Variants in TBC1D30 observed in about 807,000 individuals in gnomAD.
TBC1D30 encodes the protein TBC1 domain family, member 30.
A neutral mutation model predicts 63.2 loss-of-function variants in TBC1D30; 31 were observed. The ratio of observed to expected loss-of-function variants is 0.49; its 90% CI spans 0.37 to 0.66. TBC1D30 has a LOEUF of 0.66. Ranked by LOEUF, TBC1D30 falls within the 30% of genes least tolerant of loss-of-function variation. The pLI is 0.00. For missense variants in TBC1D30, 810 were observed against 953.6 expected (o/e 0.85, Z 1.98); for synonymous variants, 307 against 361.5 (o/e 0.85, Z 1.71).
chr12:64,785,885 T>C (rs1871540260), exon 2 of TBC1D30: 1 of 1,289,372 alleles, frequency 7.8e-7, no homozygotes, highest in South Asian at 1.2e-5. Flanking sequence ...TGATAGACGC[T>C]AATGAACTGA....
intron 8 of TBC1D30, among the ~76,000 whole-genome samples, chr12:64,859,643 G>A (rs989976477): frequency 6.6e-6 from 1 of 152,146 alleles, no homozygotes; most frequent in Non-Finnish European, 1.5e-5. Flanking sequence ...GGGGAGAAAG[G>A]GCAACCCATA....
chr12:64,788,035 G>GA (rs946993378), intron 2 of TBC1D30, among the ~76,000 whole-genome samples: 59 of 143,306 alleles, frequency 4.1e-4, no homozygotes, highest in Admixed American at 2.2e-3. Context: ...CTCTGTCTCA[G>GA]AAAAAAAAAA....
At chr12:64,826,711 G>A (rs1874386825) in intron 1 of TBC1D30, among the ~76,000 whole-genome samples, 1 of 152,124 alleles carries the variant, frequency 6.6e-6, no homozygotes, top group African/African-American at 2.4e-5. Flanking sequence ...GCAGAGTATG[G>A]TTATGGCCCT....
At chr12:64,840,272 GT>G (rs1875757200) in intron 7 of TBC1D30, among the ~76,000 whole-genome samples, 1 of 152,122 alleles carries the variant, frequency 6.6e-6, no homozygotes, top group Non-Finnish European at 1.5e-5. Context: ...AGCTCTGATA[GT>G]TTCTTTGGGT....
At chr12:64,769,991 A>G (rs1166527653) in intron 1 of TBC1D30, among the ~76,000 whole-genome samples, 4 of 152,218 alleles carry the variant, frequency 2.6e-5, no homozygotes, top group South Asian at 4.1e-4. Context: ...AGGTCATTTG[A>G]AAAACTCCAT....
chr12:64,786,655 A>G (rs1385925502), intron 2 of TBC1D30, among the ~76,000 whole-genome samples: 1 of 151,888 alleles, frequency 6.6e-6, no homozygotes, highest in Non-Finnish European at 1.5e-5. Flanking sequence ...TTTTATTTTT[A>G]AAACAGCATC....
chr12:64,850,262 A>C (rs934001070), intron 8 of TBC1D30, among the ~76,000 whole-genome samples: 1 of 152,124 alleles, frequency 6.6e-6, no homozygotes, highest in Non-Finnish European at 1.5e-5. Context: ...AATACTGTTT[A>C]TTTCTTTTTC....
At chr12:64,848,176 T>A (rs1247325479) in intron 8 of TBC1D30, among the ~76,000 whole-genome samples, 1 of 152,102 alleles carries the variant, frequency 6.6e-6, no homozygotes, top group East Asian at 1.9e-4. Context: ...TTGAAATCTA[T>A]TTTTTCTGAT....
chr12:64,819,406 CTTTTTTTTTTTT>C (rs55757950), intron 2 of TBC1D30, among the ~76,000 whole-genome samples: 49 of 78,024 alleles, frequency 6.3e-4, no homozygotes, highest in East Asian at 2.0e-3. Context: ...GAAGGAACTA[CTTTTTTTTTTTT>C]TTTTTTTTTT....
At position 64,875,788 on chromosome 12, in the gene TBC1D30, A is replaced by G. The variant is rs1423892642; in HGVS notation, c.2286A>G (p.Ter762TrpextTer24). The change falls in exon 12 of 12, where the codon TGA becomes TGG. Residue 762 changes from the stop codon to tryptophan, a stop_lost. Coordinates refer to ENST00000539867, the MANE Select transcript of TBC1D30 (RefSeq NM_015279.2). ...GAAACAGTGGCACTAAAAAACGATG[A>G]TGTCTCCCCGAAACTTTGTATCTGG... Reference protein sequence around the residue: ...GGGNSGTKKR* With the variant: ...GGGNSGTKKRW 6.5e-7 allele frequency: 1 copy of G among 1,526,928 alleles called. No individual in the cohort carries two copies. Among genetic ancestry groups the G allele is most frequent in the South Asian group, 1.2e-5 (1 of 82,686 alleles). The allele number at this position is 1,526,928 out of a possible 1,614,324, so 94.6% of individuals were successfully genotyped here.
rs748748053 is a variant in TBC1D30 at position 64,824,973 on chromosome 12, C to T, written c.94C>T (p.Leu32Phe). The T allele has an allele frequency of 2.0e-6, 3 of 1,534,786 alleles. No individual in the cohort carries two copies. In the South Asian group the frequency reaches 3.6e-5, roughly 18 times the overall value. The change falls in exon 1 of 12, where the codon CTC becomes TTC. Residue 32 changes from leucine to phenylalanine, a missense_variant. Leu to Phe is a conservative substitution (Grantham distance 22, BLOSUM62 0). This residue lies in a region of TBC1D30 where 272 missense variants were observed against 335.9 expected (regional missense o/e 0.81). Coordinates refer to ENST00000539867, the MANE Select transcript of TBC1D30 (RefSeq NM_015279.2). ...CGTGGGCACCATCCTGAGCAATGTG[C>T]TCAAGAAGCGCAGCTGCATTTCCCG... ...GGVGTILSNV[L>F]KKRSCISRTA...
chr12:64,875,109 A>C lies in TBC1D30; in HGVS notation c.1607A>C (p.Asn536Thr). The C allele has an allele frequency of 6.5e-7, 1 of 1,536,502 alleles. No homozygotes were observed. The highest frequency in any genetic ancestry group is 8.7e-7 in the Non-Finnish European group (1 of 1,146,956). Residue 536 changes from asparagine to threonine, a missense_variant, in exon 12 of 12, where the codon AAT becomes ACT. Physicochemically the swap from Asn to Thr is moderately conservative, Grantham distance 65. Coordinates refer to ENST00000539867, the MANE Select transcript of TBC1D30 (RefSeq NM_015279.2). ...AAAATGACTAACAGAGCTGCCAAGAATGCTGTCATCCACATCCCTGGTCAC... is the reference window on the plus strand; with the variant it reads ...AAAATGACTAACAGAGCTGCCAAGACTGCTGTCATCCACATCCCTGGTCAC... ...KMKMTNRAAK[N>T]AVIHIPGHTG...
chr12:64,796,542 A>C lies in TBC1D30; in HGVS notation c.643+10497A>C, dbSNP rs552970049. ...CTAAAAATGATACAACATCAGATAG[A>C]CACCATATGAAAGAAATAAAGGGAA... On this transcript the variant is annotated intron_variant, in intron 2 of 12. Coordinates refer to the TBC1D30 transcript ENST00000542120. 3.9e-5 allele frequency among the ~76,000 whole-genome samples: 6 copies of C among 152,298 alleles called. No individual in the cohort carries two copies. In the South Asian group the frequency reaches 1.0e-3, roughly 26 times the overall value.
At chr12:64,778,406 T>C (rs972485900), upstream of TBC1D30, among the ~76,000 whole-genome samples, 1 of 151,724 alleles carries the variant, frequency 6.6e-6, no homozygotes, top group African/African-American at 2.4e-5. Context: ...GATAACAAAA[T>C]AAATCAGTAG....
At chr12:64,808,629 T>C (rs2136326597) in intron 2 of TBC1D30, among the ~76,000 whole-genome samples, 1 of 152,346 alleles carries the variant, frequency 6.6e-6, no homozygotes, top group South Asian at 2.1e-4. Flanking sequence ...CCATTTTAAG[T>C]GTACAATTCA....
intron 2 of TBC1D30, among the ~76,000 whole-genome samples, chr12:64,788,189 A>G (rs1871708210): frequency 7.0e-6 from 1 of 142,098 alleles, no homozygotes; most frequent in Admixed American, 6.9e-5. Flanking sequence ...AAGGGTGTGT[A>G]GGGGTGTGTG....
intron 5 of TBC1D30, among the ~76,000 whole-genome samples, chr12:64,833,330 G>A (rs1293752576): frequency 6.6e-6 from 1 of 152,166 alleles, no homozygotes; most frequent in Non-Finnish European, 1.5e-5. Context: ...TTTAAGCTTA[G>A]TTTGCATGTG....
rs189411718 is a variant in TBC1D30, at chr12:64,873,246, T to C, written c.1499-1755T>C. On this transcript the variant is annotated intron_variant, in intron 11 of 11. Coordinates refer to ENST00000539867, the MANE Select transcript of TBC1D30 (RefSeq NM_015279.2). Reference sequence around the variant, plus strand: ...ATAGCTTTTGTTTTCATGGAGTAATTGGGGGAAAGTTGTTTGGTGGGGATT... The same window carrying C: ...ATAGCTTTTGTTTTCATGGAGTAATCGGGGGAAAGTTGTTTGGTGGGGATT... Among the ~76,000 whole-genome samples, 17 of 152,024 alleles carry C rather than the reference T, an allele frequency of 1.1e-4. No individual in the cohort carries two copies. In the East Asian group the frequency reaches 2.1e-3, roughly 19 times the overall value.
chr12:64,780,687 C>T (rs1374488157), exon 1 of TBC1D30: 117 of 926,152 alleles, frequency 1.3e-4, no homozygotes, highest in Non-Finnish European at 1.5e-4. Context: ...GATCCAGAGC[C>T]CGCTGGCGCC....
Sources: gnomAD v4.1 joint callset for allele counts (sites outside exome capture counted in the v4.1 genomes callset) on GRCh38, gnomAD v4.1.1 for gene constraint, gnomAD v4.1.1 regional missense constraint, MANE v1.5 for transcripts, NCBI Gene and HGNC (gene_info 2026-07-23, HGNC 2026-07-21) for gene names.